The following OPRK1 variants were observed in gnomAD, a reference collection of about 807,000 sequenced individuals.
OPRK1 encodes the protein kappa-type opioid receptor.
In OPRK1, 15 loss-of-function variants were observed where a neutral mutation model predicts 24.5. The ratio of observed to expected loss-of-function variants is 0.61; its 90% CI spans 0.41 to 0.94. The LOEUF is 0.94. Ranked by LOEUF, OPRK1 falls within the 40% of genes least tolerant of loss-of-function variation. The probability of loss-of-function intolerance (pLI) is 0.00; values close to 1 mark genes in which losing one functional copy is unlikely to be tolerated. For missense variants in OPRK1, 479 were observed against 507.3 expected, an observed-to-expected ratio of 0.94 and a Z score of 0.54; for synonymous variants, 205 against 198.0, an observed-to-expected ratio of 1.04 and a Z score of -0.30.
At chr8:53,237,867 G>T (rs1807029855) in intron 2 of OPRK1, among the ~76,000 whole-genome samples, 1 of 152,190 alleles carries the variant, frequency 6.6e-6, no homozygotes, top group Non-Finnish European at 1.5e-5. Context: ...TAAGTGATTT[G>T]TTTGGTGTCA....
rs755343247 is a variant in OPRK1 at position 53,229,472 on chromosome 8, CTG to C, written c.966_967del (p.Asn322LysfsTer2). 6.2e-7 allele frequency: 1 copy of C among 1,614,200 alleles called. No homozygotes were observed. Among genetic ancestry groups the C allele is most frequent in the South Asian group, 1.1e-5 (1 of 91,086 alleles). ...GGCGTAGAGAATGGGATTCAGGCTA[CTG>C]TTGGTATAGCCTAAGGCGATGCAGA... On this transcript the variant is annotated frameshift_variant, in exon 4 of 4. Transcript: ENST00000265572. LOFTEE classifies it high-confidence loss of function.
intron 2 of OPRK1, chr8:53,238,612 A>C (rs1585633605): frequency 1.0e-6 from 1 of 985,468 alleles, no homozygotes; most frequent in Non-Finnish European, 1.2e-6. Context: ...CCCCAGTGAC[A>C]CTTTAACTCA....
intron 2 of OPRK1, among the ~76,000 whole-genome samples, chr8:53,245,682 A>G (rs1807211886): frequency 6.6e-6 from 1 of 152,148 alleles, no homozygotes; most frequent in South Asian, 2.1e-4. Context: ...GGCCACACAA[A>G]TGGATGAAAC....
At chr8:53,243,216 C>T (rs1282796095) in intron 2 of OPRK1, among the ~76,000 whole-genome samples, 1 of 152,158 alleles carries the variant, frequency 6.6e-6, no homozygotes, top group Non-Finnish European at 1.5e-5. Context: ...TAGCTGAGCA[C>T]AGAGACTCCT....
rs1160018676 is a variant in OPRK1 at position 53,229,649 on chromosome 8, TCTCGGGAGCCAGAAAGGAG to T, written c.772_790del (p.Leu258ArgfsTer55). 6.2e-7 allele frequency: 1 copy of T among 1,613,854 alleles called. No individual in the cohort carries two copies. The highest frequency in any genetic ancestry group is 1.3e-5 in the African/African-American group (1 of 74,858). On this transcript the variant is annotated frameshift_variant, in exon 4 of 4. Transcript: ENST00000265572. LOFTEE classifies it high-confidence loss of function. The stretch of plus-strand genomic sequence containing the variant: ...GATCCTACGCAGGTTGCGATCTTTC[TCTCGGGAGCCAGAAAGGAG>T]CCGGACGCTCTTGAGACGCAGGATC...
At chr8:53,248,062 A>C (rs1807276823) in intron 2 of OPRK1, among the ~76,000 whole-genome samples, 1 of 151,042 alleles carries the variant, frequency 6.6e-6, no homozygotes, top group African/African-American at 2.4e-5. Flanking sequence ...AACAACCACA[A>C]ACCCCAAAGC....
rs779745953 is a variant in OPRK1 at position 53,250,857 on chromosome 8, T to A, written c.181A>T (p.Ile61Phe). 6.2e-7 allele frequency: 1 copy of A among 1,613,486 alleles called. No homozygotes were observed. Among genetic ancestry groups the A allele is most frequent in the Non-Finnish European group, 8.5e-7 (1 of 1,179,744 alleles). ...PAHISPAIPVIITAVYSVVFV... is the reference protein window; with the variant it reads ...PAHISPAIPVFITAVYSVVFV... ...ACTACGGAGTAGACCGCCGTGATGA[T>A]GACCGGGATGGCCGGGGAGATGTGC... The change falls in exon 2 of 4, where the codon ATC (isoleucine) becomes TTC (phenylalanine). Residue 61 changes from isoleucine (I) to phenylalanine (F), a missense_variant. Transcript: ENST00000265572.
intron 2 of OPRK1, among the ~76,000 whole-genome samples, chr8:53,245,955 A>G (rs1807217515): frequency 6.6e-6 from 1 of 152,182 alleles, no homozygotes; most frequent in East Asian, 1.9e-4. Flanking sequence ...CTGACTTCCT[A>G]TCTTAGCCAG....
intron 2 of OPRK1, among the ~76,000 whole-genome samples, chr8:53,239,688 C>T (rs6651352): frequency 0.12 from 17,528 of 152,186 alleles, 1,312 homozygotes; most frequent in African/African-American, 0.22. Flanking sequence ...TACTTAGCAC[C>T]AGACTGGTAC....
chr8:53,251,325 T>G, intron 1 of OPRK1, 123 bp downstream of exon 1: 1 of 479,138 alleles, frequency 2.1e-6, no homozygotes, highest in South Asian at 3.0e-5. Flanking sequence ...CCCTCACCAA[T>G]TCTAGGCACC....
chr8:53,245,672 G>A (rs1463187578), intron 2 of OPRK1, among the ~76,000 whole-genome samples: 1 of 152,122 alleles, frequency 6.6e-6, no homozygotes, highest in Admixed American at 6.5e-5. Flanking sequence ...TGACAGTTAT[G>A]GCCACACAAA....
At position 53,229,001 on chromosome 8, in the gene OPRK1, T is replaced by C. The variant is rs1806783753; in HGVS notation, c.*296A>G. ...GGCCACAGCAGATGGGTGCTGAACC[T>C]TACCTAGCAAACCAGAAGGAAAAGA... On this transcript the variant is annotated 3_prime_UTR_variant, in exon 4 of 4. Transcript: ENST00000265572. 1 of 288,736 alleles carries C rather than the reference T, an allele frequency of 3.5e-6. No homozygotes were observed. Among genetic ancestry groups the C allele is most frequent in the East Asian group, 7.1e-5 (1 of 14,126 alleles). The allele number at this position is 288,736 out of a possible 1,614,324, so 17.9% of individuals were successfully genotyped here.
intron 2 of OPRK1, among the ~76,000 whole-genome samples, chr8:53,244,312 G>A (rs1341350140): frequency 6.6e-6 from 1 of 152,242 alleles, no homozygotes; most frequent in Admixed American, 6.5e-5. Flanking sequence ...TAAGCAAGAA[G>A]AGGAGTATTT....
At chr8:53,251,113 G>C in intron 1 of OPRK1, 28 bp from the exon 2 acceptor site, 2 of 1,415,412 alleles carry the variant, frequency 1.4e-6, no homozygotes, top group South Asian at 1.5e-5. Flanking sequence ...CCGGCTGGAC[G>C]CGGAGAGGCA....
At chr8:53,242,188 A>T (rs1807129797) in intron 2 of OPRK1, among the ~76,000 whole-genome samples, 1 of 152,196 alleles carries the variant, frequency 6.6e-6, no homozygotes, top group Non-Finnish European at 1.5e-5. Context: ...CATGGAGAGG[A>T]GGATGATGGC....
At chr8:53,234,615 C>A in intron 3 of OPRK1, 144 bp downstream of exon 3, 1 of 674,764 alleles carries the variant, frequency 1.5e-6, no homozygotes, top group East Asian at 2.7e-5. Context: ...TTCTACTTCT[C>A]ATCTTCCATG....
At chr8:53,230,142 G>C (rs1178833967) in intron 3 of OPRK1, among the ~76,000 whole-genome samples, 1 of 151,590 alleles carries the variant, frequency 6.6e-6, no homozygotes, top group Non-Finnish European at 1.5e-5. Context: ...GCTTGCAGAA[G>C]AGGTAAAGAG....
Position 53,229,841 on chromosome 8 carries a change from C to T in OPRK1, c.611-12G>A, listed in dbSNP as rs771400292. The T allele has an allele frequency of 2.0e-6, 3 of 1,527,694 alleles. No homozygotes were observed. In the South Asian group the frequency reaches 3.9e-5, roughly 20 times the overall value. The allele number at this position is 1,527,694 out of a possible 1,614,324, so 94.6% of individuals were successfully genotyped here. A position where few individuals can be genotyped will look rare whatever the true frequency, so the allele number is the denominator to read the frequency against. ...AATGACATCGACGTCTGGAGGAGGG[C>T]AATAAAAACCACAACACAGAAACCT... is the stretch of plus-strand genomic sequence containing the variant. On this transcript the variant is annotated splice_polypyrimidine_tract_variant and intron_variant, in intron 3 of 3. Transcript: ENST00000265572.
At chr8:53,237,696 C>G (rs762331574) in intron 2 of OPRK1, among the ~76,000 whole-genome samples, 22 of 152,304 alleles carry the variant, frequency 1.4e-4, no homozygotes, top group Non-Finnish European at 2.9e-4. Flanking sequence ...GATCCCAATT[C>G]GTCCATTCTT....
Sources: allele counts gnomAD v4.1 joint callset (sites outside exome capture counted in the v4.1 genomes callset), GRCh38; gene constraint gnomAD v4.1.1; transcripts MANE v1.5; gene names NCBI Gene and HGNC (gene_info 2026-07-23, HGNC 2026-07-21).